Variants in ERMAP observed in about 807,000 individuals in gnomAD.
ERMAP encodes the protein erythroblast membrane associated protein (Scianna blood group), also known as erythroid membrane-associated protein.
In ERMAP, 34 loss-of-function variants were observed where a neutral mutation model predicts 49.5. The ratio of observed to expected loss-of-function variants is 0.69; its 90% confidence interval spans 0.52 to 0.91. ERMAP has a LOEUF of 0.91. Among genes scored for constraint, ERMAP ranks in the 40% least tolerant of loss-of-function variants. The pLI is 0.00. For missense variants in ERMAP, 541 were observed against 582.6 expected, an observed-to-expected ratio of 0.93 and a Z score of 0.74; for synonymous variants, 214 against 232.2, an observed-to-expected ratio of 0.92 and a Z score of 0.71.
At chr1:42,839,822 T>C (rs1275927122) in intron 8 of ERMAP, 5 of 601,340 alleles carry the variant, frequency 8.3e-6, no homozygotes, top group South Asian at 4.1e-5. Flanking sequence ...TTGGCTCACA[T>C]AGGAATTTGC....
intron 2 of ERMAP, among the ~76,000 whole-genome samples, chr1:42,826,940 ATCCACTG>A (rs940828291): frequency 4.6e-5 from 7 of 152,286 alleles, no homozygotes; most frequent in Admixed American, 2.6e-4. Flanking sequence ...CTAGCCCTCA[ATCCACTG>A]TCACTTATAG....
At chr1:42,839,169 C>T (rs1170104615) in intron 8 of ERMAP, 4 of 594,638 alleles carry the variant, frequency 6.7e-6, no homozygotes, top group Non-Finnish European at 1.2e-5. Flanking sequence ...ATGCATCTCC[C>T]ATAGGTGAAG....
At chr1:42,841,987 T>C (rs1039360157) in intron 11 of ERMAP, 3 of 155,760 alleles carry the variant, frequency 1.9e-5, no homozygotes, top group African/African-American at 7.2e-5. Flanking sequence ...GGGCTTGTGC[T>C]ACTTCATAGT....
Position 42,842,948 on chromosome 1 carries a change from A to G in ERMAP, c.1144A>G (p.Thr382Ala). Residue 382 changes from threonine to alanine, a missense_variant, in exon 12 of 12, where the codon ACT becomes GCT. By Grantham distance (58) the Thr-to-Ala change is moderately conservative. Coordinates refer to ENST00000372517, the MANE Select transcript of ERMAP (RefSeq NM_001017922.2). ...YNVTNKSHIF[T>A]FTHNFSGPLR... Reference sequence around the variant, plus strand: ...TGTGACCAACAAGTCCCACATCTTTACTTTCACCCACAATTTCTCTGGCCC... The same window carrying G: ...TGTGACCAACAAGTCCCACATCTTTGCTTTCACCCACAATTTCTCTGGCCC... 1 of 1,614,172 alleles carries G rather than the reference A, an allele frequency of 6.2e-7. No individual in the cohort carries two copies. Among genetic ancestry groups the G allele is most frequent in the Non-Finnish European group, 8.5e-7 (1 of 1,180,026 alleles).
At position 42,819,194 on chromosome 1, in the gene ERMAP, TGTGTGTGTGTGTGC is replaced by T. The variant is rs970557615; in HGVS notation, c.-122+1943_-122+1956del. Among the ~76,000 whole-genome samples the T allele has an allele frequency of 2.1e-5, 3 of 145,950 alleles. No homozygotes were observed. Among genetic ancestry groups the T allele is most frequent in the South Asian group, 2.2e-4 (1 of 4,562 alleles). On this transcript the variant is annotated intron_variant, in intron 1 of 11. Coordinates refer to ENST00000372517, the MANE Select transcript of ERMAP (RefSeq NM_001017922.2). This position sits in a 1 kb window ranked among gnomAD's most constrained non-coding sequence, Gnocchi z 5.1. ...GCGTGTGTGTGTGTGTGTGTGTGTG[TGTGTGTGTGTGTGC>T]GCGCGCGCAAGAGAGGGACCGAGAG...
chr1:42,818,525 G>A (rs1654310559), intron 1 of ERMAP, among the ~76,000 whole-genome samples: 1 of 152,162 alleles, frequency 6.6e-6, no homozygotes, highest in African/African-American at 2.4e-5. Context: ...CACCCAGGCT[G>A]GAGTGCAGTG....
At chr1:42,835,217 G>A in intron 5 of ERMAP, 63 bp downstream of exon 5, 1 of 800,008 alleles carries the variant, frequency 1.2e-6, no homozygotes, top group Non-Finnish European at 2.3e-6. Context: ...TCTGGGAAAG[G>A]GCCAGACGGA....
intron 2 of ERMAP, 86 bp from the exon 3 acceptor site, chr1:42,830,358 C>G: frequency 1.7e-6 from 2 of 1,174,094 alleles, no homozygotes; most frequent in Non-Finnish European, 2.5e-6. Context: ...ACCAGCAATA[C>G]CGTCTCGGCC....
At chr1:42,830,210 T>A in intron 2 of ERMAP, 2 of 552,240 alleles carry the variant, frequency 3.6e-6, no homozygotes, top group Non-Finnish European at 6.5e-6. Flanking sequence ...ACCCTCACCA[T>A]AATCCCACAA....
chr1:42,823,233 GT>G (rs1654448167), intron 1 of ERMAP, among the ~76,000 whole-genome samples: 1 of 152,130 alleles, frequency 6.6e-6, no homozygotes. Context: ...AACACTCACA[GT>G]TTTTTCTTGC....
At position 42,843,657 on chromosome 1, in the gene ERMAP, C is replaced by G. The variant is rs992518618; in HGVS notation, c.*425C>G. The G allele has an allele frequency of 5.3e-6, 1 of 187,188 alleles. No homozygotes were observed. Among genetic ancestry groups the G allele is most frequent in the African/African-American group, 2.3e-5 (1 of 42,890 alleles). 11.6% of individuals were successfully genotyped at this position (187,188 alleles called of 1,614,324 possible). A position where few individuals can be genotyped will look rare whatever the true frequency, so the allele number is the denominator to read the frequency against. Reference sequence around the variant, plus strand: ...ACTTATCCCATTGAGGACTGCCTTTCTCTCTCTCAGTTCTGGCCTCTGCCC... The same window carrying G: ...ACTTATCCCATTGAGGACTGCCTTTGTCTCTCTCAGTTCTGGCCTCTGCCC... On this transcript the variant is annotated 3_prime_UTR_variant, in exon 12 of 12. Transcript: ENST00000372517.
chr1:42,830,679 G>C, intron 3 of ERMAP, 89 bp from the exon 4 acceptor site: 2 of 1,434,058 alleles, frequency 1.4e-6, no homozygotes, highest in African/African-American at 1.4e-5. Context: ...CCTGGGCTCT[G>C]TCCGTCCCCG....
intron 1 of ERMAP, chr1:42,824,673 A>G (rs570688923): frequency 2.6e-5 from 4 of 152,394 alleles, no homozygotes; most frequent in African/African-American, 7.2e-5. Context: ...GTACGGAGCT[A>G]CTTACCACTA....
At chr1:42,817,287 G>C (rs1249087312) in intron 1 of ERMAP, 34 bp downstream of exon 1, 8 of 1,216,168 alleles carry the variant, frequency 6.6e-6, no homozygotes, top group Non-Finnish European at 5.3e-6. Context: ...ACTGGACCCA[G>C]CGCTGCCTGC....
chr1:42,825,431 G>T, intron 1 of ERMAP, 192 bp from the exon 2 acceptor site: 1 of 1,098,532 alleles, frequency 9.1e-7, no homozygotes, highest in Non-Finnish European at 1.1e-6. Flanking sequence ...CCTCCTACCC[G>T]GTCAGTCATA....
rs182046537 is a variant in ERMAP at position 42,837,211 on chromosome 1, G to T, written c.616+21G>T. On this transcript the variant is annotated intron_variant, in intron 7 of 11. Coordinates refer to ENST00000372517, the MANE Select transcript of ERMAP (RefSeq NM_001017922.2). ...AAAAGGTAATGATATAAAAGAGTAA[G>T]GGGTAGGGAACAAAAAACACATTCT... 9.4e-5 allele frequency: 152 copies of T among 1,610,700 alleles called. No homozygotes were observed. In the African/African-American group the frequency reaches 1.7e-3, roughly 18 times the overall value.
intron 1 of ERMAP, among the ~76,000 whole-genome samples, chr1:42,822,463 C>T (rs1162485821): frequency 1.3e-5 from 2 of 152,100 alleles, no homozygotes; most frequent in Admixed American, 1.3e-4. Flanking sequence ...GGATTACAGG[C>T]GTGAGCCACT....
rs145113385 is a variant in ERMAP, at chr1:42,819,170, CGTGTGTGTGTGT to C, written c.-122+1943_-122+1954del. 1.3e-4 allele frequency among the ~76,000 whole-genome samples: 18 copies of C among 142,556 alleles called. No individual in the cohort carries two copies. Among genetic ancestry groups the C allele is most frequent in the South Asian group, 1.1e-3 (5 of 4,374 alleles). The allele number at this position is 142,556 out of a possible 152,430, so 93.5% of individuals were successfully genotyped here. ...GGTGAGGAAGAGGATAAGTTAGGAG[CGTGTGTGTGTGT>C]GTGTGTGTGTGTGTGTGTGTGTGTG... On this transcript the variant is annotated intron_variant, in intron 1 of 11. Transcript: ENST00000372517. This position sits in a 1 kb window ranked among gnomAD's most constrained non-coding sequence, Gnocchi z 5.1.
In ERMAP at chr1:42,825,625, C is replaced by G; in HGVS notation, c.-119C>G. The G allele has an allele frequency of 7.8e-7, 1 of 1,288,346 alleles. No individual in the cohort carries two copies. Among genetic ancestry groups the G allele is most frequent in the Non-Finnish European group, 1.0e-6 (1 of 988,584 alleles). 79.8% of individuals were successfully genotyped at this position (1,288,346 alleles called of 1,614,324 possible). ...CTTTTCCCGGCCCACATCCCTAGGC[C>G]TTCCTGATGCGCTTGCCTGCTCCCT... On this transcript the variant is annotated splice_region_variant and 5_prime_UTR_variant, in exon 2 of 12. Transcript: ENST00000372517.
Sources: allele counts gnomAD v4.1 joint callset (sites outside exome capture counted in the v4.1 genomes callset), GRCh38; gene constraint gnomAD v4.1.1; non-coding constraint Gnocchi (gnomAD v3.1); transcripts MANE v1.5; gene names NCBI Gene and HGNC (gene_info 2026-07-23, HGNC 2026-07-21).